Variants in EFHD1 observed in about 807,000 individuals in gnomAD.
EFHD1 encodes EF-hand domain-containing protein D1.
A neutral mutation model predicts 17.2 loss-of-function variants in EFHD1; 10 were observed. The observed-to-expected ratio is 0.58, with a 90% CI of 0.36 to 0.99. The LOEUF (loss-of-function observed/expected upper bound fraction) is 0.99. Among genes scored for constraint, EFHD1 ranks in the 50% least tolerant of loss-of-function variants. The probability of loss-of-function intolerance (pLI) is 0.01; values close to 1 mark genes in which losing one functional copy is unlikely to be tolerated. For missense variants in EFHD1, 310 were observed against 327.5 expected (o/e 0.95, Z 0.41); for synonymous variants, 153 against 142.0 (o/e 1.08, Z -0.55).
At position 232,672,541 on chromosome 2, in the gene EFHD1, G is replaced by A. The variant is rs910620942; in HGVS notation, c.585+98G>A. On this transcript the variant is annotated intron_variant, in intron 3 of 3. Transcript: ENST00000264059. ...ATTTTCATCTCAGCAGAGCACACCTGCAGAAACAGACCAGGAGGGTCCTCC... is the reference window on the plus strand; with the variant it reads ...ATTTTCATCTCAGCAGAGCACACCTACAGAAACAGACCAGGAGGGTCCTCC... The A allele has an allele frequency of 7.1e-5, 106 of 1,491,876 alleles. No homozygotes were observed. The African/African-American group carries it at 1.4e-3, about 20-fold the overall frequency. 92.4% of individuals were successfully genotyped at this position (1,491,876 alleles called of 1,614,324 possible).
Position 232,633,827 on chromosome 2 carries a change from G to A in EFHD1, c.123G>A (p.Glu41=), listed in dbSNP as rs1474610718. ...APAPEPKPEP[E]PPARAPTASA... is the part of the protein sequence containing the mutation. ...CCCCGGAGCCCAAGCCCGAGCCCGA[G>A]CCTCCCGCCCGTGCGCCCACGGCCA... Residue 41 remains glutamate (E), a synonymous_variant, in exon 1 of 4, where the codon GAG becomes GAA. Transcript: ENST00000264059. 3 of 1,476,760 alleles carry A rather than the reference G, an allele frequency of 2.0e-6. No individual in the cohort carries two copies. The highest frequency in any genetic ancestry group is 2.4e-5 in the Admixed American group (1 of 41,910). The allele number at this position is 1,476,760 out of a possible 1,614,324, so 91.5% of individuals were successfully genotyped here.
chr2:232,672,168 A>AG, intron 2 of EFHD1, 141 bp from the exon 3 acceptor site: 2 of 1,141,654 alleles, frequency 1.8e-6, no homozygotes, highest in Non-Finnish European at 2.6e-6. Flanking sequence ...CAATCTGATG[A>AG]GGGAAAAAAG....
upstream of EFHD1, among the ~76,000 whole-genome samples, chr2:232,628,887 A>G (rs1294155028): frequency 6.6e-6 from 1 of 152,150 alleles, no homozygotes; most frequent in East Asian, 1.9e-4. Context: ...ACAAAAGGTG[A>G]TACAGCTGCT....
Position 232,608,950 on chromosome 2 carries a change from T to C in EFHD1, c.14+2777T>C, listed in dbSNP as rs191422909. Among the ~76,000 whole-genome samples, 455 of 149,448 alleles carry C rather than the reference T, an allele frequency of 3.0e-3. 1 individual carries two copies. Among genetic ancestry groups the C allele is most frequent in the African/African-American group, 0.011 (444 of 40,750 alleles). ...TCTCAAAAAATAAAATAAAATACAA[T>C]GAAAAAGCATTTTGAAACATATCAC... On this transcript the variant is annotated intron_variant, in intron 1 of 3. Coordinates refer to the EFHD1 transcript ENST00000409613.
At chr2:232,619,500 G>A (rs1044939753) in intron 1 of EFHD1, among the ~76,000 whole-genome samples, 6 of 151,810 alleles carry the variant, frequency 4.0e-5, no homozygotes, top group African/African-American at 1.2e-4. Flanking sequence ...TAGTAGAGAC[G>A]AGGTTTCACC....
intron 1 of EFHD1, among the ~76,000 whole-genome samples, chr2:232,615,836 C>T (rs1050374580): frequency 6.6e-6 from 1 of 151,874 alleles, no homozygotes; most frequent in Non-Finnish European, 1.5e-5. Context: ...TACAGGCATG[C>T]GCCACCAGGC....
At chr2:232,611,132 T>C (rs1054683018) in intron 1 of EFHD1, among the ~76,000 whole-genome samples, 2 of 152,076 alleles carry the variant, frequency 1.3e-5, no homozygotes, top group African/African-American at 4.8e-5. Flanking sequence ...GAGCTATGAT[T>C]GTATTACTGC....
At chr2:232,680,315 T>C (rs974386865) in intron 3 of EFHD1, among the ~76,000 whole-genome samples, 5 of 152,032 alleles carry the variant, frequency 3.3e-5, no homozygotes, top group African/African-American at 4.8e-5. Context: ...GGAAATTTTA[T>C]AAATTGAGAC....
chr2:232,654,416 CTTTTTTT>C (rs539954632), intron 1 of EFHD1, among the ~76,000 whole-genome samples: 5 of 94,596 alleles, frequency 5.3e-5, no homozygotes, highest in Non-Finnish European at 1.0e-4. Context: ...TTCTTTCTTT[CTTTTTTT>C]TTTTTTTTTT....
intron 1 of EFHD1, chr2:232,606,258 A>C (rs1693709600): frequency 6.8e-7 from 1 of 1,476,630 alleles, no homozygotes; most frequent in Admixed American, 2.0e-5. Flanking sequence ...GGTCCAGAAT[A>C]GGTGCGCGGT....
intron 1 of EFHD1, among the ~76,000 whole-genome samples, chr2:232,622,742 G>T (rs117140928): frequency 2.0e-5 from 3 of 152,246 alleles, no homozygotes; most frequent in East Asian, 3.9e-4. Flanking sequence ...TTGCCTTCTG[G>T]GCCTGAGCTA....
chr2:232,625,490 C>A (rs1277661561), intron 1 of EFHD1, among the ~76,000 whole-genome samples: 1 of 152,096 alleles, frequency 6.6e-6, no homozygotes, highest in Non-Finnish European at 1.5e-5. Flanking sequence ...GATTTTTCAA[C>A]TTCCAACCCA....
intron 1 of EFHD1, chr2:232,638,583 G>A (rs1694363695): frequency 2.6e-6 from 1 of 388,422 alleles, no homozygotes; most frequent in South Asian, 2.0e-5. Context: ...AGAAGCGGGT[G>A]TAGATTTGGA....
chr2:232,609,012 T>C (rs535741878), intron 1 of EFHD1, among the ~76,000 whole-genome samples: 105 of 149,506 alleles, frequency 7.0e-4, no homozygotes, highest in Admixed American at 1.6e-3. Context: ...TCTCTTCTAT[T>C]ACAAGACCAA....
chr2:232,618,824 CATATT>C (rs751878535), intron 1 of EFHD1, among the ~76,000 whole-genome samples: 3 of 151,828 alleles, frequency 2.0e-5, no homozygotes, highest in Non-Finnish European at 4.4e-5. Flanking sequence ...CAAAAGGTCA[CATATT>C]ATATAATTAT....
intron 1 of EFHD1, among the ~76,000 whole-genome samples, chr2:232,640,597 C>T (rs1694411258): frequency 6.6e-6 from 1 of 152,156 alleles, no homozygotes; most frequent in South Asian, 2.1e-4. Context: ...CTGGAAGGAT[C>T]TTGGCCCTTG....
chr2:232,652,597 A>C (rs1694679066), intron 1 of EFHD1, among the ~76,000 whole-genome samples: 1 of 152,160 alleles, frequency 6.6e-6, no homozygotes, highest in Admixed American at 6.6e-5. Flanking sequence ...CTCTCAGGCA[A>C]CCATAAAGGC....
At chr2:232,654,938 G>T (rs905166966) in intron 1 of EFHD1, among the ~76,000 whole-genome samples, 1 of 152,184 alleles carries the variant, frequency 6.6e-6, no homozygotes, top group African/African-American at 2.4e-5. Flanking sequence ...TAGTCAGTTT[G>T]TCTCCTGTTC....
chr2:232,624,158 C>G (rs1694069463), intron 1 of EFHD1, among the ~76,000 whole-genome samples: 1 of 152,172 alleles, frequency 6.6e-6, no homozygotes, highest in African/African-American at 2.4e-5. Flanking sequence ...AGGAATAAGA[C>G]TGATGTTTTC....
Sources: allele counts gnomAD v4.1 joint callset (sites outside exome capture counted in the v4.1 genomes callset), GRCh38; gene constraint gnomAD v4.1.1; transcripts MANE v1.5; gene names NCBI Gene and HGNC (gene_info 2026-07-23, HGNC 2026-07-21).